The following RBPMS2 variants were observed in gnomAD, a reference collection of about 807,000 sequenced individuals.
The protein encoded by RBPMS2 is RNA-binding protein with multiple splicing 2.
Under a neutral mutation model 25.7 loss-of-function variants are expected in RBPMS2, and 14 were observed. The ratio of observed to expected loss-of-function variants is 0.55; its 90% confidence interval spans 0.36 to 0.85. The LOEUF (loss-of-function observed/expected upper bound fraction) is 0.85. RBPMS2 is among the 40% of genes least tolerant of loss of function. The pLI is 0.01. For synonymous variants in RBPMS2, 127 were observed against 115.6 expected (o/e 1.10, Z -0.63); for missense variants, 252 against 283.4 (o/e 0.89, Z 0.80).
intron 1 of RBPMS2, among the ~76,000 whole-genome samples, chr15:64,761,480 T>C (rs553663484): frequency 9.2e-5 from 14 of 152,316 alleles, no homozygotes; most frequent in Admixed American, 4.6e-4. Context: ...TTTGCAGACC[T>C]TGATCTCACA....
intron 1 of RBPMS2, among the ~76,000 whole-genome samples, chr15:64,772,702 C>T (rs950319771): frequency 6.6e-6 from 1 of 152,190 alleles, no homozygotes; most frequent in Non-Finnish European, 1.5e-5. Flanking sequence ...TCCTCCTACT[C>T]ACCCACATCT....
chr15:64,775,563 C>G lies in RBPMS2; in HGVS notation c.-244G>C. The G allele has an allele frequency of 5.6e-6, 1 of 177,356 alleles. No individual in the cohort carries two copies. Among genetic ancestry groups the G allele is most frequent in the African/African-American group, 3.0e-5 (1 of 33,108 alleles). The allele number at this position is 177,356 out of a possible 1,614,324, so 11.0% of individuals were successfully genotyped here. On this transcript the variant is annotated 5_prime_UTR_variant, in exon 1 of 8. Coordinates refer to ENST00000300069, the MANE Select transcript of RBPMS2 (RefSeq NM_194272.3). ...TGGGAGCCGGAGGGGCCGCCGCCTC[C>G]GCCTTTTCACTGCGACCGGCGAGTG...
intron 1 of RBPMS2, among the ~76,000 whole-genome samples, chr15:64,771,392 C>T (rs1376243318): frequency 2.0e-5 from 3 of 152,182 alleles, no homozygotes; most frequent in Non-Finnish European, 2.9e-5. Context: ...TGTATATAAC[C>T]TATGCACAGG....
intron 1 of RBPMS2, among the ~76,000 whole-genome samples, chr15:64,773,390 T>C (rs1567072827): frequency 6.6e-6 from 1 of 152,220 alleles, no homozygotes; most frequent in South Asian, 2.1e-4. Context: ...GAACCCTTTG[T>C]TCTGGACCTC....
At chr15:64,750,415 C>A (rs376290891) in intron 2 of RBPMS2, 34 bp from the exon 3 acceptor site, 6 of 1,602,424 alleles carry the variant, frequency 3.7e-6, no homozygotes, top group Non-Finnish European at 5.1e-6. Context: ...CGTGGAAGGT[C>A]AGAAGCGTAT....
At chr15:64,748,095 C>G (rs571928116) in intron 6 of RBPMS2, among the ~76,000 whole-genome samples, 1 of 152,272 alleles carries the variant, frequency 6.6e-6, no homozygotes, top group East Asian at 1.9e-4. Context: ...AGAGACCATA[C>G]CCAGGTTAGG....
At chr15:64,774,848 C>T (rs987565062) in intron 1 of RBPMS2, among the ~76,000 whole-genome samples, 1 of 151,454 alleles carries the variant, frequency 6.6e-6, no homozygotes, top group Non-Finnish European at 1.5e-5. Flanking sequence ...GCCGCCGAGG[C>T]GGGGTCCTGG....
chr15:64,741,980 A>C (rs1420908733), intron 6 of RBPMS2, among the ~76,000 whole-genome samples: 1 of 152,222 alleles, frequency 6.6e-6, no homozygotes, highest in Non-Finnish European at 1.5e-5. Flanking sequence ...AGCCTGACCA[A>C]TATGGAGAAA....
At chr15:64,760,566 A>G (rs2083774062) in intron 1 of RBPMS2, among the ~76,000 whole-genome samples, 1 of 151,948 alleles carries the variant, frequency 6.6e-6, no homozygotes, top group Non-Finnish European at 1.5e-5. Context: ...TAGAAAACAG[A>G]TCCTTCTCCG....
In RBPMS2 at chr15:64,748,533, G is replaced by A. The variant is rs1370269743; in HGVS notation, c.453C>T (p.Ser151=). Residue 151 remains serine (S), a synonymous_variant, in exon 6 of 8, where the codon TCC becomes TCT. Transcript: ENST00000300069. ...AAGGGTAGGGGGCCCAGGCCTCTGG[G>A]GATGCAGGGATCAGAGCAGCCCCCA... ...DLMGAALIPA[S]PEAWAPYPLY... is the part of the protein sequence containing the mutation. The A allele has an allele frequency of 1.2e-6, 2 of 1,602,382 alleles. No homozygotes were observed. Among genetic ancestry groups the A allele is most frequent in the Admixed American group, 3.4e-5 (2 of 58,236 alleles).
intron 1 of RBPMS2, among the ~76,000 whole-genome samples, chr15:64,762,839 C>A (rs2141072538): frequency 6.6e-6 from 1 of 152,272 alleles, no homozygotes; most frequent in East Asian, 1.9e-4. Flanking sequence ...CTGCTCAGAG[C>A]TTCAGTGACT....
intron 1 of RBPMS2, among the ~76,000 whole-genome samples, chr15:64,755,748 G>A (rs1265496523): frequency 6.6e-6 from 1 of 152,154 alleles, no homozygotes; most frequent in African/African-American, 2.4e-5. Flanking sequence ...CAGGGGAAGC[G>A]TGGGCTCCGC....
intron 1 of RBPMS2, among the ~76,000 whole-genome samples, chr15:64,752,258 G>T (rs1415053216): frequency 2.0e-5 from 3 of 152,028 alleles, no homozygotes; most frequent in Non-Finnish European, 4.4e-5. Flanking sequence ...TGGCCCCTCA[G>T]ACAAAAAAGT....
chr15:64,745,434 T>C (rs2141055671), intron 6 of RBPMS2, among the ~76,000 whole-genome samples: 1 of 152,228 alleles, frequency 6.6e-6, no homozygotes, highest in African/African-American at 2.4e-5. Context: ...GCTATTATCA[T>C]CTCCATGATA....
Position 64,767,074 on chromosome 15 carries a change from G to A in RBPMS2, c.87+8159C>T, listed in dbSNP as rs145409093. On this transcript the variant is annotated intron_variant, in intron 1 of 7. Transcript: ENST00000300069. ...GCTGGAATTACAGGCATAAGCCACCGAGTTTTTCGGTTTTTTACTTTTTTT... is the reference window on the plus strand; with the variant it reads ...GCTGGAATTACAGGCATAAGCCACCAAGTTTTTCGGTTTTTTACTTTTTTT... Among the ~76,000 whole-genome samples the A allele has an allele frequency of 8.1e-3, 1,228 of 152,134 alleles. 17 individuals are homozygous for A. Among genetic ancestry groups the A allele is most frequent in the South Asian group, 0.018 (89 of 4,812 alleles).
chr15:64,751,335 GAAA>G (rs68167030), intron 2 of RBPMS2, among the ~76,000 whole-genome samples: 2 of 145,006 alleles, frequency 1.4e-5, no homozygotes, highest in African/African-American at 5.1e-5. Flanking sequence ...TCGTCTCGAG[GAAA>G]AAAAAAAAAA....
chr15:64,772,715 G>A (rs888896659), intron 1 of RBPMS2, among the ~76,000 whole-genome samples: 18 of 152,180 alleles, frequency 1.2e-4, no homozygotes, highest in Non-Finnish European at 2.6e-4. Context: ...CCACATCTCA[G>A]GGAAGGCTGA....
chr15:64,762,539 ACT>A (rs1491526667), intron 1 of RBPMS2: 15 of 534,162 alleles, frequency 2.8e-5, no homozygotes, highest in Admixed American at 9.7e-5. Flanking sequence ...AAGAGACCCC[ACT>A]GAGAACCAGG....
intron 1 of RBPMS2, chr15:64,762,453 T>C (rs760850797): frequency 3.7e-6 from 2 of 534,658 alleles, no homozygotes; most frequent in African/African-American, 1.9e-5. Context: ...TTTCCTGTTA[T>C]AAAGACACTG....
Sources: allele counts gnomAD v4.1 joint callset (sites outside exome capture counted in the v4.1 genomes callset), GRCh38; gene constraint gnomAD v4.1.1; transcripts MANE v1.5; gene names NCBI Gene and HGNC (gene_info 2026-07-23, HGNC 2026-07-21).